DOCK7: variants seen among roughly 807,000 people sequenced by gnomAD.
The protein encoded by DOCK7 is dedicator of cytokinesis 7.
Under a neutral mutation model 271.0 loss-of-function variants are expected in DOCK7, and 138 were observed. The ratio of observed to expected loss-of-function variants is 0.51; its 90% CI spans 0.44 to 0.59. The LOEUF is 0.59. Ranked by LOEUF, DOCK7 falls within the 20% of genes least tolerant of loss-of-function variation. The pLI is 0.00. For missense variants in DOCK7, 2,066 were observed against 2,592.4 expected (o/e 0.80, Z 4.41); for synonymous variants, 823 against 876.1 (o/e 0.94, Z 1.07).
chr1:62,538,015 G>A lies in DOCK7; in HGVS notation c.3347C>T (p.Ser1116Phe), dbSNP rs1260744821. Residue 1116 changes from serine to phenylalanine, a missense_variant, in exon 28 of 50, where the codon TCC becomes TTC. By Grantham distance (155) the Ser-to-Phe change is radical. Around this residue, in one of 2 missense-constraint regions of DOCK7, gnomAD observed 1,414 missense variants for 1,670.4 expected, o/e 0.85. Transcript: ENST00000635253. Reference protein sequence around the residue: ...YSLPNPSVLVSLRLDFLRIIC... With the variant: ...YSLPNPSVLVFLRLDFLRIIC... ...GATTCGTAGAAAATCCAGCCTCAAG[G>A]ACACCAGAACACTGGGATTCGGTAA... The A allele has an allele frequency of 6.2e-7, 1 of 1,614,016 alleles. No homozygotes were observed. The highest frequency in any genetic ancestry group is 8.5e-7 in the Non-Finnish European group (1 of 1,179,960).
In DOCK7 at chr1:62,488,181, T is replaced by C. The variant is rs143493464; in HGVS notation, c.5493+753A>G. The stretch of plus-strand genomic sequence containing the variant: ...CTAGCAGCAGTAGGTAACAGTAGGG[T>C]AGCACGGGGAAGGGAACAGAAAAGT... On this transcript the variant is annotated intron_variant, in intron 42 of 49. Transcript: ENST00000635253. The C allele has an allele frequency of 5.9e-5, 9 of 152,624 alleles. No individual in the cohort carries two copies. In the East Asian group the frequency reaches 1.5e-3, roughly 26 times the overall value. The allele number at this position is 152,624 out of a possible 1,614,324, so 9.5% of individuals were successfully genotyped here. A position where few individuals can be genotyped will look rare whatever the true frequency, so the allele number is the denominator to read the frequency against.
intron 35 of DOCK7, among the ~76,000 whole-genome samples, chr1:62,507,125 G>A (rs551863942): frequency 6.6e-6 from 1 of 151,986 alleles, no homozygotes; most frequent in South Asian, 2.1e-4. Flanking sequence ...TACTTTTAAA[G>A]GAAAATTCTC....
At chr1:62,493,122 T>C (rs945163621) in intron 40 of DOCK7, among the ~76,000 whole-genome samples, 2 of 152,154 alleles carry the variant, frequency 1.3e-5, no homozygotes, top group Admixed American at 1.3e-4. Context: ...TAATATAACA[T>C]AAGACATCTA....
chr1:62,521,647 A>C (rs1203205116), intron 31 of DOCK7, among the ~76,000 whole-genome samples: 1 of 152,260 alleles, frequency 6.6e-6, no homozygotes. Flanking sequence ...AAGAAATTTG[A>C]ATACATTTCT....
chr1:62,564,607 C>G (rs1027502562), intron 18 of DOCK7, among the ~76,000 whole-genome samples: 2 of 152,032 alleles, frequency 1.3e-5, no homozygotes, highest in African/African-American at 2.4e-5. Context: ...CAGGAAAGAT[C>G]TAAAATTGAC....
chr1:62,464,184 C>T (rs994881295), intron 48 of DOCK7, among the ~76,000 whole-genome samples: 2 of 151,718 alleles, frequency 1.3e-5, no homozygotes, highest in African/African-American at 2.4e-5. Flanking sequence ...CTCAGCCTCC[C>T]GAGTAGCTAG....
intron 12 of DOCK7, among the ~76,000 whole-genome samples, chr1:62,624,779 G>A (rs1018865544): frequency 1.3e-5 from 2 of 152,084 alleles, no homozygotes; most frequent in Admixed American, 1.3e-4. Context: ...TTCGAGACCA[G>A]CCTGGCCAAC....
intron 7 of DOCK7, among the ~76,000 whole-genome samples, chr1:62,638,715 C>T (rs935159674): frequency 1.5e-4 from 22 of 149,736 alleles, no homozygotes; most frequent in African/African-American, 5.1e-4. Context: ...CACTGCCTCC[C>T]ATGATACAAA....
rs12746716 is a variant in DOCK7 at position 62,553,354 on chromosome 1, A to T, written c.2597-453T>A. 5.8e-4 allele frequency among the ~76,000 whole-genome samples: 10 copies of T among 17,322 alleles called. 1 individual carries two copies. Among genetic ancestry groups the T allele is most frequent in the African/African-American group, 2.6e-3 (9 of 3,464 alleles). 11.4% of individuals were successfully genotyped at this position (17,322 alleles called of 152,430 possible). A position where few individuals can be genotyped will look rare whatever the true frequency, so the allele number is the denominator to read the frequency against. ...TATATATATATATATATATATATAT[A>T]TTTTTTTTTTTTTTTTTTTTTTTTT... On this transcript the variant is annotated intron_variant, in intron 21 of 49. Coordinates refer to ENST00000635253, the MANE Select transcript of DOCK7 (RefSeq NM_001367561.1).
At chr1:62,636,023 T>A (rs1471059731) in intron 8 of DOCK7, among the ~76,000 whole-genome samples, 2 of 152,164 alleles carry the variant, frequency 1.3e-5, no homozygotes, top group African/African-American at 4.8e-5. Context: ...GAGGCCAAGA[T>A]GGGCGGATCA....
chr1:62,667,078 A>G (rs1659402660), intron 1 of DOCK7, among the ~76,000 whole-genome samples: 1 of 151,906 alleles, frequency 6.6e-6, no homozygotes, highest in Admixed American at 6.6e-5. Flanking sequence ...CTTCTAACCC[A>G]CTCCTACTTT....
chr1:62,646,983 C>T (rs1369548615), intron 7 of DOCK7, among the ~76,000 whole-genome samples: 1 of 152,114 alleles, frequency 6.6e-6, no homozygotes, highest in Non-Finnish European at 1.5e-5. Context: ...AGATTCAATG[C>T]ACTTAATCTA....
rs1647025111 is a variant in DOCK7 at position 62,578,945 on chromosome 1, T to C, written c.1893A>G (p.Glu631=). The C allele has an allele frequency of 1.3e-6, 2 of 1,584,992 alleles. No individual in the cohort carries two copies. The highest frequency in any genetic ancestry group is 1.9e-5 in the Admixed American group (1 of 53,176). The change falls in exon 17 of 50, where the codon GAA becomes GAG. Residue 631 remains glutamate (E), a synonymous_variant. Coordinates refer to ENST00000635253, the MANE Select transcript of DOCK7 (RefSeq NM_001367561.1). ...YHNRSPDFHE[E]IKVKLPATLT... is the part of the protein sequence containing the mutation. ...AAGTAGCAGGAAGCTTAACCTTGAT[T>C]TCTTCATGAAAATCAGGAGACCTTC... is the stretch of plus-strand genomic sequence containing the variant.
chr1:62,473,906 C>T, intron 48 of DOCK7, 76 bp downstream of exon 48: 6 of 1,187,832 alleles, frequency 5.1e-6, no homozygotes, highest in Non-Finnish European at 7.2e-6. Flanking sequence ...TTCAATGGTT[C>T]CTTAAGGCCC....
At chr1:62,478,788 A>G (rs1646037219) in intron 43 of DOCK7, 1 of 152,184 alleles carries the variant, frequency 6.6e-6, no homozygotes, top group Non-Finnish European at 1.5e-5. Context: ...AGTGAAAGAT[A>G]ATAAGTAAAA....
At chr1:62,681,499 C>T (rs1021540842) in intron 1 of DOCK7, among the ~76,000 whole-genome samples, 7 of 145,440 alleles carry the variant, frequency 4.8e-5, no homozygotes, top group Non-Finnish European at 1.0e-4. Context: ...CAAACCTGCA[C>T]GTTATGCACA....
chr1:62,643,503 T>C (rs1027569825), intron 7 of DOCK7, among the ~76,000 whole-genome samples: 2 of 152,238 alleles, frequency 1.3e-5, no homozygotes, highest in African/African-American at 2.4e-5. Flanking sequence ...CTAATTGTAA[T>C]TTCTTTGCAT....
intron 15 of DOCK7, chr1:62,584,349 T>A: frequency 1.0e-6 from 1 of 986,060 alleles, no homozygotes. Flanking sequence ...AGTTTACAAT[T>A]TTATCATGTC....
chr1:62,594,765 A>T (rs1318160309), intron 14 of DOCK7, among the ~76,000 whole-genome samples: 1 of 152,184 alleles, frequency 6.6e-6, no homozygotes, highest in Non-Finnish European at 1.5e-5. Flanking sequence ...TAAGGAATAT[A>T]AGTTAAAAAC....
Sources: gnomAD v4.1 joint callset for allele counts (sites outside exome capture counted in the v4.1 genomes callset) on GRCh38, gnomAD v4.1.1 for gene constraint, gnomAD v4.1.1 regional missense constraint, MANE v1.5 for transcripts, NCBI Gene and HGNC (gene_info 2026-07-23, HGNC 2026-07-21) for gene names.